The following KAZN variants were observed in gnomAD, a reference collection of about 807,000 sequenced individuals.
KAZN encodes the protein kazrin.
Under a neutral mutation model 87.4 loss-of-function variants are expected in KAZN, and 40 were observed. That is an observed-to-expected ratio of 0.46 (90% CI 0.36 to 0.60). The LOEUF (loss-of-function observed/expected upper bound fraction) is 0.60. Among genes scored for constraint, KAZN ranks in the 20% least tolerant of loss-of-function variants. The probability of loss-of-function intolerance (pLI) is 0.00; values close to 1 mark genes in which losing one functional copy is unlikely to be tolerated. For missense variants in KAZN, 898 were observed against 1,073.9 expected, an observed-to-expected ratio of 0.84 and a Z score of 2.29; for synonymous variants, 466 against 458.3, an observed-to-expected ratio of 1.02 and a Z score of -0.22.
intron 1 of KAZN, among the ~76,000 whole-genome samples, chr1:13,947,102 A>AAGTGCCT (rs1403164148): frequency 6.6e-6 from 1 of 152,098 alleles, no homozygotes; most frequent in Non-Finnish European, 1.5e-5. Flanking sequence ...TGCTATAAAG[A>AAGTGCCT]AGTGCCTGAG....
In KAZN at chr1:14,524,011, T is replaced by TGTTTTGTTTA. The variant is rs796396111; in HGVS notation, c.250-74963_250-74962insAGTTTTGTTT. 5.5e-3 allele frequency among the ~76,000 whole-genome samples: 824 copies of TGTTTTGTTTA among 149,680 alleles called. 9 individuals carry two copies. Among genetic ancestry groups the TGTTTTGTTTA allele is most frequent in the African/African-American group, 0.019 (785 of 41,270 alleles). ...TCACTCGTTTTGTTTTGTTTTGTTT[T>TGTTTTGTTTA]GTTTTGTTTTGTTTTGTTTTGTTTT... On this transcript the variant is annotated intron_variant, in intron 2 of 16. Coordinates refer to the KAZN transcript ENST00000636203.
At chr1:14,930,119 T>G (rs1659640541) in intron 1 of KAZN, 1 of 978,458 alleles carries the variant, frequency 1.0e-6, no homozygotes, top group Non-Finnish European at 1.2e-6. Flanking sequence ...GGGGAGCTGG[T>G]GGGCTCTGGG....
chr1:14,136,491 G>A (rs548191118), intron 1 of KAZN, among the ~76,000 whole-genome samples: 18 of 152,266 alleles, frequency 1.2e-4, no homozygotes, highest in South Asian at 4.1e-4. Context: ...CAAGCAGGAC[G>A]CTTTGTTGAA....
At chr1:15,042,185 T>C (rs2100319824) in intron 3 of KAZN, among the ~76,000 whole-genome samples, 1 of 152,296 alleles carries the variant, frequency 6.6e-6, no homozygotes, top group Non-Finnish European at 1.5e-5. Flanking sequence ...AGGGACCTAG[T>C]GGGGCTTCCT....
At position 14,016,680 on chromosome 1, in the gene KAZN, T is replaced by G. The variant is rs548662746; in HGVS notation, c.91+122924T>G. ...TCCCCAAATAGATTTTTATTGTGGT[T>G]TTGCTTCCTCTGACCTTTGTTTTTG... On this transcript the variant is annotated intron_variant, in intron 1 of 16. Transcript: ENST00000636203. Among the ~76,000 whole-genome samples the G allele has an allele frequency of 2.0e-5, 3 of 152,250 alleles. No individual in the cohort carries two copies. In the South Asian group the frequency reaches 6.2e-4, roughly 32 times the overall value.
intron 2 of KAZN, among the ~76,000 whole-genome samples, chr1:14,580,748 C>T (rs1675497214): frequency 6.6e-6 from 1 of 152,140 alleles, no homozygotes; most frequent in Admixed American, 6.5e-5. Context: ...CTCCCAACCA[C>T]CCTGTGAAGC....
chr1:14,783,933 C>G (rs1287689455), intron 1 of KAZN, among the ~76,000 whole-genome samples: 1 of 152,058 alleles, frequency 6.6e-6, no homozygotes, highest in African/African-American at 2.4e-5. Context: ...AGAGACTGTG[C>G]CAAAAGTTGG....
chr1:14,514,598 TATATATATATATA>T (rs1671191551), intron 2 of KAZN, among the ~76,000 whole-genome samples: 2 of 30,874 alleles, frequency 6.5e-5, no homozygotes, highest in African/African-American at 4.0e-4. Flanking sequence ...TTATATTTTA[TATATATATATATA>T]TATATATATA....
chr1:14,825,384 T>C (rs1297416296), intron 1 of KAZN, among the ~76,000 whole-genome samples: 1 of 152,216 alleles, frequency 6.6e-6, no homozygotes, highest in Admixed American at 6.5e-5. Context: ...TTCTCGCTCT[T>C]TTTCAGTCAT....
intron 8 of KAZN, among the ~76,000 whole-genome samples, chr1:15,078,213 G>A (rs1050310747): frequency 6.6e-5 from 10 of 151,996 alleles, no homozygotes; most frequent in African/African-American, 1.9e-4. Flanking sequence ...CTGGGAGTTC[G>A]AGACCAGCCT....
chr1:14,902,096 G>C (rs6687912), intron 1 of KAZN, among the ~76,000 whole-genome samples: 13,405 of 152,254 alleles, frequency 0.088, 770 homozygotes, highest in African/African-American at 0.16. Flanking sequence ...GGAGTCCCGT[G>C]CTAACACAGT....
intron 2 of KAZN, among the ~76,000 whole-genome samples, chr1:14,569,749 G>T (rs1186218384): frequency 2.0e-5 from 3 of 152,258 alleles, no homozygotes; most frequent in Admixed American, 2.0e-4. Context: ...GGCATCCTTA[G>T]CTCTGGCAAC....
At chr1:14,807,881 G>A (rs1646274164) in intron 1 of KAZN, among the ~76,000 whole-genome samples, 1 of 152,144 alleles carries the variant, frequency 6.6e-6, no homozygotes. Context: ...GCTTGGAGCA[G>A]CCTCCACTCC....
chr1:13,918,841 AT>A (rs1046907883), intron 1 of KAZN, among the ~76,000 whole-genome samples: 1 of 151,858 alleles, frequency 6.6e-6, no homozygotes, highest in Admixed American at 6.6e-5. Flanking sequence ...TTTATTTTTT[AT>A]TTTTTTTGAA....
At chr1:14,880,073 T>C (rs1260830828) in intron 1 of KAZN, among the ~76,000 whole-genome samples, 1 of 152,196 alleles carries the variant, frequency 6.6e-6, no homozygotes, top group Non-Finnish European at 1.5e-5. Context: ...GATGAAGGTC[T>C]GATTTGGCTT....
intron 2 of KAZN, among the ~76,000 whole-genome samples, chr1:14,250,693 C>T (rs1016510868): frequency 4.0e-5 from 6 of 151,846 alleles, no homozygotes; most frequent in Non-Finnish European, 7.4e-5. Flanking sequence ...ATGATTAGCA[C>T]AAGATCCATG....
At chr1:15,071,956 G>A (rs945824706) in intron 8 of KAZN, among the ~76,000 whole-genome samples, 3 of 152,168 alleles carry the variant, frequency 2.0e-5, no homozygotes, top group African/African-American at 4.8e-5. Context: ...ATAAAATTGC[G>A]TGCCTTGCTT....
chr1:14,777,415 T>G (rs1472691669), intron 1 of KAZN, among the ~76,000 whole-genome samples: 1 of 152,166 alleles, frequency 6.6e-6, no homozygotes, highest in African/African-American at 2.4e-5. Flanking sequence ...CCAGTGCCCT[T>G]GCGTATAAGC....
At position 14,606,499 on chromosome 1, in the gene KAZN, T is replaced by G. The variant is rs183273757; in HGVS notation, c.226+7276T>G. 1.7e-3 allele frequency among the ~76,000 whole-genome samples: 254 copies of G among 152,276 alleles called. 2 individuals are homozygous for G. Among genetic ancestry groups the G allele is most frequent in the Middle Eastern group, 6.8e-3 (2 of 294 alleles). The stretch of plus-strand genomic sequence containing the variant: ...AAAAGGACTATTTTGATCCTGGACT[T>G]GGAGCCTCCAATTTCTTGGACTTCG... On this transcript the variant is annotated intron_variant, in intron 1 of 14. Transcript: ENST00000376030.
Sources: gnomAD v4.1 joint callset for allele counts (sites outside exome capture counted in the v4.1 genomes callset) on GRCh38, gnomAD v4.1.1 for gene constraint, MANE v1.5 for transcripts, NCBI Gene and HGNC (gene_info 2026-07-23, HGNC 2026-07-21) for gene names.